Variants in DBNL observed in about 807,000 individuals in gnomAD.
DBNL encodes drebrin like.
In DBNL, 35 loss-of-function variants were observed where a neutral mutation model predicts 62.2. The observed-to-expected ratio is 0.56, with a 90% CI of 0.43 to 0.75. The LOEUF (loss-of-function observed/expected upper bound fraction) is 0.75. Among genes scored for constraint, DBNL ranks in the 30% least tolerant of loss-of-function variants. The pLI, the probability that DBNL is intolerant of heterozygous loss-of-function variation, is 0.00. For missense variants in DBNL, 495 were observed against 578.4 expected (o/e 0.86, Z 1.48); for synonymous variants, 197 against 218.0 (o/e 0.90, Z 0.85).
In DBNL at chr7:44,067,196, T is replaced by C. The variant is rs1274536342; in HGVS notation, c.*6280T>C. The C allele has an allele frequency of 6.6e-6, 1 of 152,012 alleles. No individual in the cohort carries two copies. The highest frequency in any genetic ancestry group is 1.5e-5 in the Non-Finnish European group (1 of 68,088). The allele number at this position is 152,012 out of a possible 1,614,324, so 9.4% of individuals were successfully genotyped here. On this transcript the variant is annotated 3_prime_UTR_variant, in exon 13 of 13. Coordinates refer to ENST00000448521, the MANE Select transcript of DBNL (RefSeq NM_001014436.3). ...AGGGAGAGCAATTCAGGTAGAGGGG[T>C]TGGCAAAGACCCAAGCCCTACAGAA...
rs758291888 is a variant in DBNL at position 44,059,445 on chromosome 7, G to T, written c.927G>T (p.Arg309Ser). The T allele has an allele frequency of 6.2e-7, 1 of 1,614,044 alleles. No homozygotes were observed. The highest frequency in any genetic ancestry group is 2.2e-5 in the East Asian group (1 of 44,880). ...REPAAAISRP[R>S]ADLPAEEPAP... is the part of the protein sequence containing the mutation. ...CAGCTGCTGCCATCTCAAGGCCCAGGGCAGGCAAGGCGCTTGTCACCCCAT... is the reference window on the plus strand; with the variant it reads ...CAGCTGCTGCCATCTCAAGGCCCAGTGCAGGCAAGGCGCTTGTCACCCCAT... The change falls in exon 10 of 13, where the codon AGG (arginine) becomes AGT (serine). Residue 309 changes from arginine to serine, a missense_variant. Physicochemically the swap from Arg to Ser is moderately radical, Grantham distance 110 (BLOSUM62 -1). Coordinates refer to ENST00000448521, the MANE Select transcript of DBNL (RefSeq NM_001014436.3). This position sits in a 1 kb window ranked among gnomAD's most constrained non-coding sequence, Gnocchi z 4.1.
At position 44,058,276 on chromosome 7, in the gene DBNL, C is replaced by T; in HGVS notation, c.700C>T (p.Gln234Ter). The T allele has an allele frequency of 6.3e-7, 1 of 1,575,170 alleles. No homozygotes were observed. The highest frequency in any genetic ancestry group is 8.6e-7 in the Non-Finnish European group (1 of 1,160,586). The change falls in exon 7 of 13, where the codon CAG becomes TAG. Residue 234 changes from glutamine (Q) to a stop codon, truncating the protein, a stop_gained. Coordinates refer to ENST00000448521, the MANE Select transcript of DBNL (RefSeq NM_001014436.3). LOFTEE classifies it high-confidence loss of function. ...YQEQGGEASP[Q>*]RTWEQQQEVV... is the part of the protein sequence containing the mutation. ...GGAGCAGGGTGGCGAGGCCAGCCCCCAGAGGTGAGCCAGAGGTGGAGGCTG... is the reference window on the plus strand; with the variant it reads ...GGAGCAGGGTGGCGAGGCCAGCCCCTAGAGGTGAGCCAGAGGTGGAGGCTG...
In DBNL at chr7:44,065,502, G is replaced by A. The variant is rs529371882; in HGVS notation, c.*4586G>A. The A allele has an allele frequency of 1.6e-4, 266 of 1,613,890 alleles. 1 individual carries two copies. Among genetic ancestry groups the A allele is most frequent in the Non-Finnish European group, 2.1e-4 (250 of 1,180,036 alleles). ...TGGTTCCATGTGCTCTCGCCGTGCCGGACCATCACGAGGCGGTGAGTGGCC... is the reference window on the plus strand; with the variant it reads ...TGGTTCCATGTGCTCTCGCCGTGCCAGACCATCACGAGGCGGTGAGTGGCC... On this transcript the variant is annotated 3_prime_UTR_variant, in exon 13 of 13. Coordinates refer to ENST00000448521, the MANE Select transcript of DBNL (RefSeq NM_001014436.3).
Position 44,065,669 on chromosome 7 carries a change from T to A in DBNL, c.*4753T>A. On this transcript the variant is annotated 3_prime_UTR_variant, in exon 13 of 13. Coordinates refer to ENST00000448521, the MANE Select transcript of DBNL (RefSeq NM_001014436.3). ...ATTCCAGGCGGTGGCAGGTGACCAG[T>A]AGCTGAGCTGCTGGGGGCTGGGGGC... The A allele has an allele frequency of 1.2e-6, 1 of 803,492 alleles. No individual in the cohort carries two copies. The highest frequency in any genetic ancestry group is 2.1e-6 in the Non-Finnish European group (1 of 481,332). 49.8% of individuals were successfully genotyped at this position (803,492 alleles called of 1,614,324 possible).
Position 44,059,249 on chromosome 7 carries a change from G to A in DBNL, c.836-105G>A. The A allele has an allele frequency of 8.4e-7, 1 of 1,194,232 alleles. No individual in the cohort carries two copies. Among genetic ancestry groups the A allele is most frequent in the Non-Finnish European group, 1.2e-6 (1 of 840,048 alleles). 74.0% of individuals were successfully genotyped at this position (1,194,232 alleles called of 1,614,324 possible). ...TCTGTTCCTGCACTAGCAAGAGCAA[G>A]CCCCATGAGACTGCCTCGAGCACAC... On this transcript the variant is annotated intron_variant, in intron 9 of 12. Coordinates refer to ENST00000448521, the MANE Select transcript of DBNL (RefSeq NM_001014436.3). This position sits in a 1 kb window ranked among gnomAD's most constrained non-coding sequence, Gnocchi z 4.1.
rs2096145272 is a variant in DBNL, at chr7:44,059,967, T to C, written c.1048-81T>C. Reference sequence around the variant, plus strand: ...TGCTTGCCCTCTGCGTACTCCCAGCTTGACCTGAGCCATGTGGGGCAGAGC... The same window carrying C: ...TGCTTGCCCTCTGCGTACTCCCAGCCTGACCTGAGCCATGTGGGGCAGAGC... On this transcript the variant is annotated intron_variant, in intron 11 of 12. Transcript: ENST00000448521. The surrounding 1 kb of genome is among the most constrained non-coding windows in gnomAD (Gnocchi z 4.1). 5.6e-6 allele frequency: 8 copies of C among 1,428,342 alleles called. No homozygotes were observed. Among genetic ancestry groups the C allele is most frequent in the African/African-American group, 1.4e-5 (1 of 70,874 alleles). The allele number at this position is 1,428,342 out of a possible 1,614,324, so 88.5% of individuals were successfully genotyped here.
In DBNL at chr7:44,065,581, C is replaced by CA; in HGVS notation, c.*4666dup. 6.5e-7 allele frequency: 1 copy of CA among 1,547,232 alleles called. No homozygotes were observed. Among genetic ancestry groups the CA allele is most frequent in the Non-Finnish European group, 8.9e-7 (1 of 1,122,846 alleles). On this transcript the variant is annotated 3_prime_UTR_variant, in exon 13 of 13. Transcript: ENST00000448521. ...CTGGACGGGGACGGCTGCTTCCCAA[C>CA]ACTCCCAGCTTTATAATAGTGTCTT...
In DBNL at chr7:44,060,262, G is replaced by C; in HGVS notation, c.1153+109G>C. 9.7e-7 allele frequency: 1 copy of C among 1,027,644 alleles called. No homozygotes were observed. Among genetic ancestry groups the C allele is most frequent in the Non-Finnish European group, 1.4e-6 (1 of 693,262 alleles). 63.7% of individuals were successfully genotyped at this position (1,027,644 alleles called of 1,614,324 possible). On this transcript the variant is annotated intron_variant, in intron 12 of 12. Coordinates refer to ENST00000448521, the MANE Select transcript of DBNL (RefSeq NM_001014436.3). This position sits in a 1 kb window ranked among gnomAD's most constrained non-coding sequence, Gnocchi z 6.3. ...GCACCAGGGGGTATCAGGAAGAGAA[G>C]ACAGGAGGGTGGGCGGTGCGTTTAG... is the stretch of plus-strand genomic sequence containing the variant.
chr7:44,056,740 T>G lies in DBNL; in HGVS notation c.328-17T>G. 2 of 1,613,664 alleles carry G rather than the reference T, an allele frequency of 1.2e-6. No individual in the cohort carries two copies. The highest frequency in any genetic ancestry group is 1.7e-6 in the Non-Finnish European group (2 of 1,179,982). On this transcript the variant is annotated splice_polypyrimidine_tract_variant and intron_variant, in intron 4 of 12. Coordinates refer to ENST00000448521, the MANE Select transcript of DBNL (RefSeq NM_001014436.3). ...GGGCTTGCAAAGCCCTTCTTTCAAG[T>G]GCTGCTCCTGCTGCAGGGGGCCCAT...
chr7:44,056,645 T>C, intron 4 of DBNL, 112 bp from the exon 5 acceptor site: 1 of 1,422,422 alleles, frequency 7.0e-7, no homozygotes, highest in Non-Finnish European at 9.4e-7. Context: ...TCTAGTTTCC[T>C]GATTCCAGTC....
At chr7:44,052,074 G>A (rs1015697954) in intron 3 of DBNL, 132 bp downstream of exon 3, 1 of 700,470 alleles carries the variant, frequency 1.4e-6, no homozygotes, top group Middle Eastern at 2.5e-4. Flanking sequence ...CTCTGAGCTG[G>A]TGAATGAGCA....
In DBNL at chr7:44,068,007, A is replaced by G. The variant is rs913041288; in HGVS notation, c.*7091A>G. On this transcript the variant is annotated 3_prime_UTR_variant, in exon 13 of 13. Coordinates refer to ENST00000448521, the MANE Select transcript of DBNL (RefSeq NM_001014436.3). ...TCAGTGAGTTGGGGGAATCCCTCCA[A>G]TTTTTCTTTTCTTCTCTACCCCAGC... The G allele has an allele frequency of 2.0e-5, 3 of 152,048 alleles. No individual in the cohort carries two copies. The highest frequency in any genetic ancestry group is 4.4e-5 in the Non-Finnish European group (3 of 68,020). 9.4% of individuals were successfully genotyped at this position (152,048 alleles called of 1,614,324 possible). A position where few individuals can be genotyped will look rare whatever the true frequency, so the allele number is the denominator to read the frequency against.
At position 44,065,227 on chromosome 7, in the gene DBNL, T is replaced by G. The variant is rs1586001959; in HGVS notation, c.*4311T>G. On this transcript the variant is annotated 3_prime_UTR_variant, in exon 13 of 13. Transcript: ENST00000448521. ...CCTCCCCGTGCTTGGCGGCCGTTTC[T>G]GCCTTGTTGAGGCCTGTGAGGCCCC... 1 of 1,614,030 alleles carries G rather than the reference T, an allele frequency of 6.2e-7. No homozygotes were observed.
rs1312939446 is a variant in DBNL, at chr7:44,058,243, C to T, written c.667C>T (p.Arg223Cys). The T allele has an allele frequency of 3.2e-6, 5 of 1,577,770 alleles. No homozygotes were observed. The highest frequency in any genetic ancestry group is 2.3e-5 in the East Asian group (1 of 43,542). ...GCGTGAGGCTGCACGCCGGGAGCAG[C>T]GCTATCAGGAGCAGGGTGGCGAGGC... ...ELREAARREQ[R>C]YQEQGGEASP... The change falls in exon 7 of 13, where the codon CGC becomes TGC. Residue 223 changes from arginine to cysteine, a missense_variant. Arg to Cys is a radical substitution (Grantham distance 180, BLOSUM62 -3). Transcript: ENST00000448521.
rs112769270 is a variant in DBNL, at chr7:44,058,918, C to G, written c.770C>G (p.Pro257Arg). The change falls in exon 9 of 13, where the codon CCG becomes CGG. Residue 257 changes from proline to arginine, a missense_variant. Pro to Arg is a moderately radical substitution (Grantham distance 103). Coordinates refer to ENST00000448521, the MANE Select transcript of DBNL (RefSeq NM_001014436.3). The stretch of plus-strand genomic sequence containing the variant: ...TCCCTCCAGGAGTCTGCCGTGCACC[C>G]GAGGGAGATTTTCAAGCAGAAGGAG... ...NRNEQESAVH[P>R]REIFKQKERA... The G allele has an allele frequency of 6.2e-7, 1 of 1,613,610 alleles. No individual in the cohort carries two copies. Among genetic ancestry groups the G allele is most frequent in the East Asian group, 2.2e-5 (1 of 44,820 alleles).
intron 1 of DBNL, among the ~76,000 whole-genome samples, chr7:44,047,619 T>C (rs972632404): frequency 1.3e-5 from 2 of 152,254 alleles, no homozygotes; most frequent in African/African-American, 4.8e-5. Flanking sequence ...TGTTCATAGC[T>C]GCATTCCTGT....
Position 44,058,134 on chromosome 7 carries a change from G to A in DBNL, c.558G>A (p.Glu186=), listed in dbSNP as rs1288506111. 1.9e-6 allele frequency: 3 copies of A among 1,555,726 alleles called. No individual in the cohort carries two copies. Among genetic ancestry groups the A allele is most frequent in the South Asian group, 2.4e-5 (2 of 84,380 alleles). ...KDSFWAKAEK[E]EENRRLEEKR... ...GGCAGTGGCTCTCCCTGCAGAAGGA[G>A]GAGGAGAACCGTCGGCTGGAGGAAA... The change falls in exon 7 of 13, where the codon GAG becomes GAA. Residue 186 remains glutamate, a synonymous_variant. Coordinates refer to ENST00000448521, the MANE Select transcript of DBNL (RefSeq NM_001014436.3).
At position 44,065,655 on chromosome 7, in the gene DBNL, T is replaced by A; in HGVS notation, c.*4739T>A. The A allele has an allele frequency of 1.1e-6, 1 of 927,502 alleles. No individual in the cohort carries two copies. The highest frequency in any genetic ancestry group is 1.7e-6 in the Non-Finnish European group (1 of 588,728). The allele number at this position is 927,502 out of a possible 1,614,324, so 57.5% of individuals were successfully genotyped here. On this transcript the variant is annotated 3_prime_UTR_variant, in exon 13 of 13. Coordinates refer to ENST00000448521, the MANE Select transcript of DBNL (RefSeq NM_001014436.3). Reference sequence around the variant, plus strand: ...AACTGCCAATCAGCATTCCAGGCGGTGGCAGGTGACCAGTAGCTGAGCTGC... The same window carrying A: ...AACTGCCAATCAGCATTCCAGGCGGAGGCAGGTGACCAGTAGCTGAGCTGC...
At chr7:44,047,704 T>C (rs1214155795) in intron 1 of DBNL, among the ~76,000 whole-genome samples, 2 of 152,198 alleles carry the variant, frequency 1.3e-5, no homozygotes, top group African/African-American at 4.8e-5. Flanking sequence ...ACACTCCATA[T>C]GCCTTGCTGT....
Sources: gnomAD v4.1 joint callset for allele counts (sites outside exome capture counted in the v4.1 genomes callset) on GRCh38, gnomAD v4.1.1 for gene constraint, Gnocchi (gnomAD v3.1) non-coding constraint, MANE v1.5 for transcripts, NCBI Gene and HGNC (gene_info 2026-07-23, HGNC 2026-07-21) for gene names.